HS3ST3A1: variants seen among roughly 807,000 people sequenced by gnomAD.
The protein encoded by HS3ST3A1 is heparan sulfate glucosamine 3-O-sulfotransferase 3A1.
A neutral mutation model predicts 25.7 loss-of-function variants in HS3ST3A1; 19 were observed. That is an observed-to-expected ratio of 0.74 (90% CI 0.52 to 1.08). The LOEUF (loss-of-function observed/expected upper bound fraction) is 1.08, where lower values mean the gene tolerates loss of function less well. Ranked by LOEUF, HS3ST3A1 falls within the 50% of genes least tolerant of loss-of-function variation. The probability of loss-of-function intolerance (pLI) is 0.00; values close to 1 mark genes in which losing one functional copy is unlikely to be tolerated. For synonymous variants in HS3ST3A1, 226 were observed against 278.6 expected (o/e 0.81, Z 1.88); for missense variants, 459 against 594.3 (o/e 0.77, Z 2.37).
At chr17:13,600,450 G>T in intron 1 of HS3ST3A1, 81 bp downstream of exon 1, 2 of 1,442,466 alleles carry the variant, frequency 1.4e-6, no homozygotes, top group Non-Finnish European at 1.8e-6. Context: ...GCGAACTGGG[G>T]GTCACCGAGG....
chr17:13,580,228 C>A (rs1908075769), intron 1 of HS3ST3A1, among the ~76,000 whole-genome samples: 1 of 151,784 alleles, frequency 6.6e-6, no homozygotes, highest in South Asian at 2.1e-4. Flanking sequence ...TTAAAATTTT[C>A]TCAGTGGTAC....
At chr17:13,508,626 TC>T (rs1289916677) in intron 1 of HS3ST3A1, among the ~76,000 whole-genome samples, 1 of 152,234 alleles carries the variant, frequency 6.6e-6, no homozygotes, top group African/African-American at 2.4e-5. Context: ...ACTCATGTAT[TC>T]ATAAGATGTA....
At chr17:13,504,255 C>T (rs773972194) in intron 1 of HS3ST3A1, among the ~76,000 whole-genome samples, 95 of 152,150 alleles carry the variant, frequency 6.2e-4, no homozygotes, top group Admixed American at 3.5e-3. Context: ...AAGTGGAGGT[C>T]GCAGTGAGCT....
At chr17:13,511,247 T>C (rs1286756499) in intron 1 of HS3ST3A1, among the ~76,000 whole-genome samples, 1 of 152,106 alleles carries the variant, frequency 6.6e-6, no homozygotes, top group African/African-American at 2.4e-5. Context: ...AAATATCCAC[T>C]CTCATATTTA....
intron 1 of HS3ST3A1, chr17:13,543,625 A>C (rs1031552008): frequency 6.1e-6 from 1 of 163,096 alleles, no homozygotes; most frequent in African/African-American, 2.4e-5. Context: ...TTTTGCACCA[A>C]CCTAATACAT....
At chr17:13,527,814 A>T (rs943361875) in intron 1 of HS3ST3A1, among the ~76,000 whole-genome samples, 1 of 152,140 alleles carries the variant, frequency 6.6e-6, no homozygotes, top group Non-Finnish European at 1.5e-5. Context: ...CCCCTCCATT[A>T]TCTGTAATTG....
At chr17:13,520,904 T>C (rs967751466) in intron 1 of HS3ST3A1, among the ~76,000 whole-genome samples, 2 of 152,170 alleles carry the variant, frequency 1.3e-5, no homozygotes, top group African/African-American at 4.8e-5. Context: ...TTTTAAGTGC[T>C]TATTCATTGG....
intron 1 of HS3ST3A1, among the ~76,000 whole-genome samples, chr17:13,507,497 A>C (rs1017687046): frequency 6.6e-6 from 1 of 152,198 alleles, no homozygotes; most frequent in African/African-American, 2.4e-5. Flanking sequence ...GCCATCTTTG[A>C]CATTCTGCCA....
At chr17:13,541,789 T>C (rs979886622) in intron 1 of HS3ST3A1, among the ~76,000 whole-genome samples, 2 of 152,188 alleles carry the variant, frequency 1.3e-5, no homozygotes, top group African/African-American at 4.8e-5. Context: ...TCTTGAAGGC[T>C]ACTTGAAGAA....
intron 1 of HS3ST3A1, among the ~76,000 whole-genome samples, chr17:13,588,852 T>A (rs1908348285): frequency 6.6e-6 from 1 of 152,010 alleles, no homozygotes; most frequent in Non-Finnish European, 1.5e-5. Context: ...CCCAGCTAAT[T>A]TTTTTGTATT....
intron 1 of HS3ST3A1, among the ~76,000 whole-genome samples, chr17:13,584,301 T>C (rs1417733847): frequency 1.3e-5 from 2 of 152,120 alleles, no homozygotes; most frequent in Non-Finnish European, 2.9e-5. Flanking sequence ...AGAACCACTA[T>C]GCTTTTACCA....
chr17:13,589,134 G>A (rs575153248), intron 1 of HS3ST3A1, among the ~76,000 whole-genome samples: 80 of 152,162 alleles, frequency 5.3e-4, no homozygotes, highest in Non-Finnish European at 1.0e-3. Context: ...CCACACAGAC[G>A]TTTGTTTGGT....
At chr17:13,510,230 G>T (rs1905815931) in intron 1 of HS3ST3A1, among the ~76,000 whole-genome samples, 1 of 152,194 alleles carries the variant, frequency 6.6e-6, no homozygotes. Flanking sequence ...TTTTATAAAT[G>T]ATTAGTCTGA....
At chr17:13,571,471 C>T (rs1367123481) in intron 1 of HS3ST3A1, among the ~76,000 whole-genome samples, 2 of 152,314 alleles carry the variant, frequency 1.3e-5, no homozygotes, top group Admixed American at 1.3e-4. Flanking sequence ...CTGAGGGCAA[C>T]CTAGATGGCA....
intron 1 of HS3ST3A1, among the ~76,000 whole-genome samples, chr17:13,564,897 T>C (rs1412601021): frequency 2.0e-5 from 3 of 152,120 alleles, no homozygotes; most frequent in East Asian, 3.9e-4. Context: ...AATTTTTGTA[T>C]TTTTAGTAGA....
chr17:13,598,668 T>C (rs1164775607), intron 1 of HS3ST3A1, among the ~76,000 whole-genome samples: 3 of 151,908 alleles, frequency 2.0e-5, no homozygotes, highest in African/African-American at 7.3e-5. Context: ...TGACTCTTTT[T>C]TTTTCTTTCT....
At chr17:13,575,189 G>A (rs1598430676) in intron 1 of HS3ST3A1, among the ~76,000 whole-genome samples, 2 of 152,226 alleles carry the variant, frequency 1.3e-5, no homozygotes, top group East Asian at 3.9e-4. Context: ...CCTTTGCCTA[G>A]CATTATGTGT....
At chr17:13,518,807 C>G (rs1425333864) in intron 1 of HS3ST3A1, among the ~76,000 whole-genome samples, 1 of 152,206 alleles carries the variant, frequency 6.6e-6, no homozygotes, top group Non-Finnish European at 1.5e-5. Context: ...TCTGCACAGG[C>G]TCAGCCAAGA....
chr17:13,496,296 C>G lies in HS3ST3A1; in HGVS notation c.1122G>C (p.Glu374Asp). 1 of 1,554,762 alleles carries G rather than the reference C, an allele frequency of 6.4e-7. No homozygotes were observed. The change falls in exon 2 of 2, where the codon GAG (glutamate) becomes GAC (aspartate). Residue 374 changes from glutamate to aspartate, a missense_variant. Physicochemically the swap from Glu to Asp is conservative, Grantham distance 45 (BLOSUM62 2). Around this residue, in one of 3 missense-constraint regions of HS3ST3A1, gnomAD observed 46 missense variants for 59.0 expected, o/e 0.78. Transcript: ENST00000284110. Reference protein sequence around the residue: ...LGKTKGRTHPEIDREVVRRLR... With the variant: ...LGKTKGRTHPDIDREVVRRLR... ...GCCTGCGCACCACCTCGCGGTCGATCTCAGGATGGGTCCTGCCCTTGGTCT... is the reference window on the plus strand; with the variant it reads ...GCCTGCGCACCACCTCGCGGTCGATGTCAGGATGGGTCCTGCCCTTGGTCT...
Sources: gnomAD v4.1 joint callset for allele counts (sites outside exome capture counted in the v4.1 genomes callset) on GRCh38, gnomAD v4.1.1 for gene constraint, gnomAD v4.1.1 regional missense constraint, MANE v1.5 for transcripts, NCBI Gene and HGNC (gene_info 2026-07-23, HGNC 2026-07-21) for gene names.